Variants in TRIM5 observed in about 807,000 individuals in gnomAD.
The protein encoded by TRIM5 is tripartite motif-containing protein 5.
Under a neutral mutation model 35.6 loss-of-function variants are expected in TRIM5, and 31 were observed. That is an observed-to-expected ratio of 0.87 (90% CI 0.65 to 1.18). The LOEUF (loss-of-function observed/expected upper bound fraction) is 1.18, where lower values mean the gene tolerates loss of function less well. Among genes scored for constraint, TRIM5 ranks in the 50% most tolerant of loss-of-function variants. The pLI, the probability that TRIM5 is intolerant of heterozygous loss-of-function variation, is 0.00. For missense variants in TRIM5, 609 were observed against 591.6 expected (o/e 1.03, Z -0.31); for synonymous variants, 243 against 215.6 (o/e 1.13, Z -1.11).
the TRIM5 span, among the ~76,000 whole-genome samples, chr11:5,656,337 G>A: frequency 5.4e-5 from 8 of 147,182 alleles, no homozygotes; most frequent in Admixed American, 1.4e-4. Flanking sequence ...AAAAGTGAGC[G>A]AAGGATATGA....
chr11:5,597,272 G>A, the TRIM5 span, among the ~76,000 whole-genome samples: 76,309 of 151,944 alleles, frequency 0.5, 19,597 homozygotes, highest in Middle Eastern at 0.71. Flanking sequence ...GGTGAGGATT[G>A]AGTGAGACAG....
At chr11:5,657,498 TA>T in the TRIM5 span, among the ~76,000 whole-genome samples, 15 of 139,778 alleles carry the variant, frequency 1.1e-4, no homozygotes, top group East Asian at 1.4e-3. Context: ...TTTATATATA[TA>T]TTTATATATT....
chr11:5,618,004 TGTGA>T, the TRIM5 span, among the ~76,000 whole-genome samples: 1 of 152,216 alleles, frequency 6.6e-6, no homozygotes, highest in African/African-American at 2.4e-5. Flanking sequence ...AAGGTCAGTG[TGTGA>T]GTCAAATCCT....
chr11:5,677,345 A>G (rs960954075), intron 4 of TRIM5, among the ~76,000 whole-genome samples: 1 of 152,274 alleles, frequency 6.6e-6, no homozygotes, highest in Admixed American at 6.5e-5. Context: ...CAAAAAGCAC[A>G]TGAAAAAATG....
At chr11:5,643,127 T>TATATAA in the TRIM5 span, 2 of 521,878 alleles carry the variant, frequency 3.8e-6, no homozygotes, top group Non-Finnish European at 4.9e-6. Flanking sequence ...ATATATATAT[T>TATATAA]TTTTTTTTTC....
In TRIM5 at chr11:5,679,746, A is replaced by G; in HGVS notation, c.417+15T>C. The G allele has an allele frequency of 1.9e-6, 3 of 1,555,748 alleles. No individual in the cohort carries two copies. The highest frequency in any genetic ancestry group is 2.3e-5 in the East Asian group (1 of 44,324). On this transcript the variant is annotated intron_variant, in intron 2 of 7. Transcript: ENST00000380034. The stretch of plus-strand genomic sequence containing the variant: ...CCATTTTCTGCCCTCTCTTCCTTCC[A>G]TCCCAGTCTCTTACTTGGTACTCCC...
chr11:5,656,505 C>A, the TRIM5 span, among the ~76,000 whole-genome samples: 2 of 152,112 alleles, frequency 1.3e-5, no homozygotes, highest in East Asian at 3.9e-4. Context: ...CAGGCATGCA[C>A]CACCATGCCC....
chr11:5,623,973 C>T, the TRIM5 span, among the ~76,000 whole-genome samples: 2,395 of 152,232 alleles, frequency 0.016, 68 homozygotes, highest in African/African-American at 0.055. Context: ...ATGCATACAG[C>T]ACAGAAAATG....
At chr11:5,592,464 A>G in the TRIM5 span, among the ~76,000 whole-genome samples, 2 of 152,208 alleles carry the variant, frequency 1.3e-5, no homozygotes, top group Non-Finnish European at 2.9e-5. Flanking sequence ...TAAATGAGCT[A>G]GGATCTGAAT....
chr11:5,641,317 T>C, the TRIM5 span: 1 of 1,552,152 alleles, frequency 6.4e-7, no homozygotes, highest in South Asian at 1.2e-5. Flanking sequence ...TATCGTTATC[T>C]TAAATTGCTG....
At chr11:5,625,891 A>G in the TRIM5 span, among the ~76,000 whole-genome samples, 3 of 152,228 alleles carry the variant, frequency 2.0e-5, no homozygotes, top group African/African-American at 7.2e-5. Context: ...TTTGCTCACA[A>G]TTACTTAACA....
At chr11:5,655,765 C>A in the TRIM5 span, 1 of 831,684 alleles carries the variant, frequency 1.2e-6, no homozygotes, top group South Asian at 5.5e-5. Context: ...TAAAATCATT[C>A]AGTGCTACAT....
At chr11:5,683,512 A>G (rs7123417) in intron 1 of TRIM5, among the ~76,000 whole-genome samples, 79,582 of 150,692 alleles carry the variant, frequency 0.53, 21,092 homozygotes, top group Non-Finnish European at 0.53. Flanking sequence ...GACTTGGAGA[A>G]ACTTTATGTC....
At chr11:5,663,179 G>T, downstream of TRIM5, 1 of 888,146 alleles carries the variant, frequency 1.1e-6, no homozygotes, top group Non-Finnish European at 1.3e-6. Context: ...ACACCATAAT[G>T]GATTACCCCT....
the TRIM5 span, among the ~76,000 whole-genome samples, chr11:5,633,146 CT>C: frequency 0.64 from 68,766 of 106,676 alleles, 20,293 homozygotes; most frequent in East Asian, 0.7. Flanking sequence ...CCTTTTCTTT[CT>C]TTTTTTTTTT....
chr11:5,662,542 G>A (rs539900401), downstream of TRIM5, among the ~76,000 whole-genome samples: 1 of 152,090 alleles, frequency 6.6e-6, no homozygotes, highest in Non-Finnish European at 1.5e-5. Context: ...CTGCATCACT[G>A]TGCAAAATAC....
the TRIM5 span, among the ~76,000 whole-genome samples, chr11:5,593,756 A>C: frequency 6.6e-6 from 1 of 152,166 alleles, no homozygotes; most frequent in African/African-American, 2.4e-5. Context: ...TACCACCCTG[A>C]GTCTAGAACT....
chr11:5,594,627 G>A, the TRIM5 span, among the ~76,000 whole-genome samples: 1 of 151,698 alleles, frequency 6.6e-6, no homozygotes, highest in Non-Finnish European at 1.5e-5. Flanking sequence ...TTTTAACTGA[G>A]CCTACTAGCC....
the TRIM5 span, chr11:5,604,599 T>A: frequency 2.5e-6 from 4 of 1,613,120 alleles, no homozygotes; most frequent in Non-Finnish European, 3.4e-6. Flanking sequence ...AGCTAACAGC[T>A]TTTATCAGAG....
Sources: gnomAD v4.1 joint callset for allele counts (sites outside exome capture counted in the v4.1 genomes callset) on GRCh38, gnomAD v4.1.1 for gene constraint, MANE v1.5 for transcripts, NCBI Gene and HGNC (gene_info 2026-07-23, HGNC 2026-07-21) for gene names.